The following SF3B2 variants were observed in gnomAD, a reference collection of about 807,000 sequenced individuals.
SF3B2 encodes splicing factor 3b subunit 2, also known as SAP 145.
A neutral mutation model predicts 116.3 loss-of-function variants in SF3B2; 22 were observed. The observed-to-expected ratio is 0.19, with a 90% CI of 0.14 to 0.27. The LOEUF (loss-of-function observed/expected upper bound fraction) is 0.27, where lower values mean the gene tolerates loss of function less well. Ranked by LOEUF, SF3B2 falls within the 10% of genes least tolerant of loss-of-function variation. SF3B2 has a pLI of 1.00. For missense variants in SF3B2, 767 were observed against 1,151.4 expected, an observed-to-expected ratio of 0.67 and a Z score of 4.83; for synonymous variants, 406 against 421.6, an observed-to-expected ratio of 0.96 and a Z score of 0.45.
intron 19 of SF3B2, chr11:66,067,390 T>C (rs759655991): frequency 2.2e-4 from 100 of 456,282 alleles, no homozygotes; most frequent in Non-Finnish European, 9.7e-5. Flanking sequence ...CTGGCTCCTG[T>C]GTGGACAATA....
At position 66,061,688 on chromosome 11, in the gene SF3B2, G is replaced by C; in HGVS notation, c.1782G>C (p.Gly594=). 1 of 1,613,626 alleles carries C rather than the reference G, an allele frequency of 6.2e-7. No homozygotes were observed. The highest frequency in any genetic ancestry group is 8.5e-7 in the Non-Finnish European group (1 of 1,179,482). The stretch of plus-strand genomic sequence containing the variant: ...AGCATGCTCTGCTTTTCCCTCAGGG[G>C]AAGGAGTTCGAGACACGACTGAAGG... ...LTIHGDLYYE[G]KEFETRLKEK... The change falls in exon 15 of 22, where the codon GGG becomes GGC. Residue 594 remains glycine (G), a splice_region_variant and synonymous_variant. Coordinates refer to ENST00000322535, the MANE Select transcript of SF3B2 (RefSeq NM_006842.3).
intron 7 of SF3B2, among the ~76,000 whole-genome samples, chr11:66,057,758 C>G (rs937157074): frequency 6.6e-6 from 1 of 151,772 alleles, no homozygotes; most frequent in Non-Finnish European, 1.5e-5. Context: ...GGCGGATCAC[C>G]TGAGGTCAGG....
chr11:66,068,578 C>A, intron 21 of SF3B2, 96 bp from the exon 22 acceptor site: 1 of 1,108,080 alleles, frequency 9.0e-7, no homozygotes, highest in Non-Finnish European at 1.3e-6. Context: ...GCCTTTCCCA[C>A]AGACTTCTAT....
chr11:66,063,694 G>A lies in SF3B2; in HGVS notation c.2295G>A (p.Glu765=), dbSNP rs1232047383. The A allele has an allele frequency of 6.2e-7, 1 of 1,613,308 alleles. No homozygotes were observed. Among genetic ancestry groups the A allele is most frequent in the East Asian group, 2.2e-5 (1 of 44,880 alleles). ...GAATGGAGACCCCTGAACTCATTGA[G>A]CTGAGGAAGAAGAAGATTGAGGAGG... ...PAGMETPELI[E]LRKKKIEEAM... is the part of the protein sequence containing the mutation. The change falls in exon 19 of 22, where the codon GAG becomes GAA. Residue 765 remains glutamate, a synonymous_variant. Coordinates refer to ENST00000322535, the MANE Select transcript of SF3B2 (RefSeq NM_006842.3).
Position 66,063,514 on chromosome 11 carries a change from G to A in SF3B2, c.2200G>A (p.Glu734Lys), listed in dbSNP as rs1857130747. 1.2e-6 allele frequency: 2 copies of A among 1,613,934 alleles called. No homozygotes were observed. Among genetic ancestry groups the A allele is most frequent in the African/African-American group, 2.7e-5 (2 of 74,936 alleles). ...AGAAAGTGATGAAGACAAACCAGAT[G>A]AGACAGGCTTTATTACCCCTGCAGA... Reference protein sequence around the residue: ...EEESDEDKPDETGFITPADSG... With the variant: ...EEESDEDKPDKTGFITPADSG... The change falls in exon 18 of 22, where the codon GAG becomes AAG. Residue 734 changes from glutamate (E) to lysine (K), a missense_variant. Coordinates refer to ENST00000322535, the MANE Select transcript of SF3B2 (RefSeq NM_006842.3).
At chr11:66,067,534 G>A (rs960249580) in intron 19 of SF3B2, 14 of 457,110 alleles carry the variant, frequency 3.1e-5, no homozygotes, top group Non-Finnish European at 6.1e-5. Flanking sequence ...TCTTGCGTTG[G>A]AAGGCCTGGA....
chr11:66,053,182 A>G, intron 3 of SF3B2, 78 bp downstream of exon 3: 2 of 1,355,860 alleles, frequency 1.5e-6, no homozygotes, highest in Non-Finnish European at 1.1e-6. Flanking sequence ...TTGGGTGTTC[A>G]CGTGCATGTG....
At chr11:66,067,687 ATGTGGGAGTCC>A in intron 19 of SF3B2, 1 of 510,054 alleles carries the variant, frequency 2.0e-6, no homozygotes, top group Non-Finnish European at 3.6e-6. Context: ...CCTTATGTGC[ATGTGGGAGTCC>A]TGGTCTGTGA....
intron 19 of SF3B2, chr11:66,067,413 T>C (rs764001678): frequency 6.6e-6 from 3 of 456,338 alleles, no homozygotes; most frequent in South Asian, 4.6e-5. Context: ...TTGTCACCTC[T>C]TCCAGCGGGA....
Position 66,063,866 on chromosome 11 carries a change from G to GT in SF3B2, c.2330+138dup, listed in dbSNP as rs1337147351. 6.7e-6 allele frequency: 4 copies of GT among 600,440 alleles called. No homozygotes were observed. In the South Asian group the frequency reaches 1.2e-4, roughly 17 times the overall value. 37.2% of individuals were successfully genotyped at this position (600,440 alleles called of 1,614,324 possible). ...TCTCTGCCAGGCACTACTGTAGGCA[G>GT]TGAGGAGTCAGCAGTTGAGGTAAAC... On this transcript the variant is annotated intron_variant, in intron 19 of 21. Coordinates refer to ENST00000322535, the MANE Select transcript of SF3B2 (RefSeq NM_006842.3).
In SF3B2 at chr11:66,063,174, T is replaced by G; in HGVS notation, c.2085+58T>G. The G allele has an allele frequency of 2.3e-6, 3 of 1,328,338 alleles. No homozygotes were observed. In the East Asian group the frequency reaches 6.9e-5, roughly 31 times the overall value. 82.3% of individuals were successfully genotyped at this position (1,328,338 alleles called of 1,614,324 possible). A position where few individuals can be genotyped will look rare whatever the true frequency, so the allele number is the denominator to read the frequency against. ...CTTAATGTCATGAAGGTTAGATTGT[T>G]GGTTTATAGCTTCATTATCAGGGAG... On this transcript the variant is annotated intron_variant, in intron 17 of 21. Transcript: ENST00000322535.
chr11:66,068,770 T>C lies in SF3B2; in HGVS notation c.*25T>C, dbSNP rs1316342780. ...GGTCCCCTCACACTAGCCCTTTTTTTGGCCCTACGTCTGGATGCCTGGGCT... is the reference window on the plus strand; with the variant it reads ...GGTCCCCTCACACTAGCCCTTTTTTCGGCCCTACGTCTGGATGCCTGGGCT... On this transcript the variant is annotated 3_prime_UTR_variant, in exon 22 of 22. Transcript: ENST00000322535. 1 of 1,600,138 alleles carries C rather than the reference T, an allele frequency of 6.2e-7. No homozygotes were observed. The highest frequency in any genetic ancestry group is 8.6e-7 in the Non-Finnish European group (1 of 1,167,928).
At position 66,068,999 on chromosome 11, in the gene SF3B2, C is replaced by T; in HGVS notation, c.*254C>T. 1 of 475,622 alleles carries T rather than the reference C, an allele frequency of 2.1e-6. No individual in the cohort carries two copies. The highest frequency in any genetic ancestry group is 3.9e-6 in the Non-Finnish European group (1 of 258,480). The allele number at this position is 475,622 out of a possible 1,614,324, so 29.5% of individuals were successfully genotyped here. Reference sequence around the variant, plus strand: ...ACAATCACTGGGCTGCCCCAGTAACCACGAACATAAACTGGGATTAGACGG... The same window carrying T: ...ACAATCACTGGGCTGCCCCAGTAACTACGAACATAAACTGGGATTAGACGG... On this transcript the variant is annotated 3_prime_UTR_variant, in exon 22 of 22. Transcript: ENST00000322535.
Position 66,058,080 on chromosome 11 carries a change from G to C in SF3B2, c.804G>C (p.Lys268Asn). 1 of 1,610,712 alleles carries C rather than the reference G, an allele frequency of 6.2e-7. No individual in the cohort carries two copies. Among genetic ancestry groups the C allele is most frequent in the Non-Finnish European group, 8.5e-7 (1 of 1,178,482 alleles). Residue 268 changes from lysine (K) to asparagine (N), a missense_variant, in exon 8 of 22, where the codon AAG (lysine) becomes AAC (asparagine). Transcript: ENST00000322535. ...REMDDPSVGP[K>N]IPQALEKILQ... ...TGGATGACCCCTCTGTGGGCCCCAAGATCCCCCAGGCTTTGGAGAAGATCC... is the reference window on the plus strand; with the variant it reads ...TGGATGACCCCTCTGTGGGCCCCAACATCCCCCAGGCTTTGGAGAAGATCC...
intron 4 of SF3B2, 86 bp downstream of exon 4, chr11:66,055,401 A>G (rs1856976146): frequency 6.3e-7 from 1 of 1,587,392 alleles, no homozygotes; most frequent in African/African-American, 1.3e-5. Flanking sequence ...TCCTAGAACT[A>G]AGGCTTCTGG....
At chr11:66,056,688 T>C in intron 5 of SF3B2, 150 bp from the exon 6 acceptor site, 1 of 627,726 alleles carries the variant, frequency 1.6e-6, no homozygotes, top group Non-Finnish European at 2.9e-6. Context: ...ATTAGTAGCC[T>C]GGAAGTGTGG....
In SF3B2 at chr11:66,059,202, T is replaced by C; in HGVS notation, c.1184T>C (p.Leu395Pro). The change falls in exon 11 of 22, where the codon CTC (leucine) becomes CCC (proline). Residue 395 changes from leucine (L) to proline (P), a missense_variant and splice_region_variant. By Grantham distance (98) the Leu-to-Pro change is moderately conservative. Around this residue, in one of 4 missense-constraint regions of SF3B2, gnomAD observed 455 missense variants for 537.5 expected, o/e 0.85. Transcript: ENST00000322535. This position sits in a 1 kb window ranked among gnomAD's most constrained non-coding sequence, Gnocchi z 5.0. ...GTTTCACCTTGTCTGCCTCCTTAGC[T>C]CACTGATGATGTGAAGAAGGAGAAA... is the stretch of plus-strand genomic sequence containing the variant. ...FFKRIFEAFKLTDDVKKEKEK... is the reference protein window; with the variant it reads ...FFKRIFEAFKPTDDVKKEKEK... The C allele has an allele frequency of 6.2e-7, 1 of 1,613,946 alleles. No homozygotes were observed. Among genetic ancestry groups the C allele is most frequent in the Non-Finnish European group, 8.5e-7 (1 of 1,179,998 alleles).
chr11:66,060,922 C>T (rs1857091487), intron 14 of SF3B2, among the ~76,000 whole-genome samples, 191 bp downstream of exon 14: 2 of 152,126 alleles, frequency 1.3e-5, no homozygotes, highest in South Asian at 4.1e-4. Context: ...ATCTCAGCCT[C>T]CTGAGTAGCT....
In SF3B2 at chr11:66,060,643, T is replaced by C. The variant is rs775731087; in HGVS notation, c.1691T>C (p.Ile564Thr). Residue 564 changes from isoleucine to threonine, a missense_variant, in exon 14 of 22, where the codon ATT becomes ACT. By Grantham distance (89) the Ile-to-Thr change is moderately conservative. This residue lies in a region of SF3B2 where 282 missense variants were observed against 568.0 expected (regional missense o/e 0.50). Transcript: ENST00000322535. Reference sequence around the variant, plus strand: ...AAAGTTCGGCCTAAGATGGGCAAAATTGACATCGACTACCAGAAACTGCAT... The same window carrying C: ...AAAGTTCGGCCTAAGATGGGCAAAACTGACATCGACTACCAGAAACTGCAT... Reference protein sequence around the residue: ...REKVRPKMGKIDIDYQKLHDA... With the variant: ...REKVRPKMGKTDIDYQKLHDA... 2.5e-6 allele frequency: 4 copies of C among 1,614,164 alleles called. No homozygotes were observed. The highest frequency in any genetic ancestry group is 3.4e-6 in the Non-Finnish European group (4 of 1,180,018).
Sources: allele counts gnomAD v4.1 joint callset (sites outside exome capture counted in the v4.1 genomes callset), GRCh38; gene constraint gnomAD v4.1.1; regional missense constraint gnomAD v4.1.1; non-coding constraint Gnocchi (gnomAD v3.1); transcripts MANE v1.5; gene names NCBI Gene and HGNC (gene_info 2026-07-23, HGNC 2026-07-21).